CDH13: variants seen among roughly 807,000 people sequenced by gnomAD.
The protein encoded by CDH13 is cadherin-13.
CDH13 carries 24 observed loss-of-function variants against 63.8 expected under a neutral mutation model. The ratio of observed to expected loss-of-function variants is 0.38; its 90% confidence interval spans 0.27 to 0.53. The LOEUF (loss-of-function observed/expected upper bound fraction) is 0.53, where lower values mean the gene tolerates loss of function less well. CDH13 is among the 20% of genes least tolerant of loss of function. CDH13 has a pLI of 0.85. For missense variants in CDH13, 1,049 were observed against 903.1 expected, an observed-to-expected ratio of 1.16 and a Z score of -2.07; for synonymous variants, 503 against 355.3, an observed-to-expected ratio of 1.42 and a Z score of -4.67.
intron 3 of CDH13, among the ~76,000 whole-genome samples, chr16:83,065,140 C>G (rs1312046080): frequency 4.6e-5 from 7 of 152,182 alleles, no homozygotes; most frequent in Admixed American, 1.3e-4. Context: ...GTATTATCCA[C>G]TGGCCACCTT....
intron 1 of CDH13, among the ~76,000 whole-genome samples, chr16:82,751,363 T>C (rs926767828): frequency 1.3e-5 from 2 of 152,178 alleles, no homozygotes; most frequent in Non-Finnish European, 2.9e-5. Context: ...GAGCATGAGC[T>C]GGGGCTTGGA....
intron 11 of CDH13, among the ~76,000 whole-genome samples, chr16:83,776,612 T>A (rs1915130337): frequency 6.6e-6 from 1 of 152,198 alleles, no homozygotes; most frequent in Non-Finnish European, 1.5e-5. Context: ...TCTTCATGAC[T>A]CACTGCTCAG....
intron 5 of CDH13, among the ~76,000 whole-genome samples, chr16:83,282,201 C>G (rs1422145524): frequency 1.3e-5 from 2 of 152,102 alleles, no homozygotes. Flanking sequence ...TACCCCAAAA[C>G]AGATACAATA....
intron 7 of CDH13, among the ~76,000 whole-genome samples, chr16:83,504,535 A>G (rs1279882319): frequency 6.6e-6 from 1 of 152,176 alleles, no homozygotes; most frequent in African/African-American, 2.4e-5. Flanking sequence ...GTGAGGGTGG[A>G]AAGCAGGCCA....
intron 10 of CDH13, among the ~76,000 whole-genome samples, chr16:83,722,705 T>C (rs1726378927): frequency 6.6e-6 from 1 of 152,204 alleles, no homozygotes; most frequent in African/African-American, 2.4e-5. Context: ...AGGCTTTTGG[T>C]CTTTGTCCAG....
intron 1 of CDH13, among the ~76,000 whole-genome samples, chr16:82,674,099 T>C (rs1913612994): frequency 6.6e-6 from 1 of 152,188 alleles, no homozygotes; most frequent in Admixed American, 6.5e-5. Context: ...CATTTGAAGG[T>C]GCAGTCTTGA....
intron 1 of CDH13, among the ~76,000 whole-genome samples, chr16:82,733,871 G>A (rs944631312): frequency 7.9e-5 from 12 of 152,192 alleles, no homozygotes; most frequent in Non-Finnish European, 1.3e-4. Context: ...CAGCAAATAA[G>A]TACATAGCAC....
chr16:83,591,855 C>G (rs773789958), intron 7 of CDH13, among the ~76,000 whole-genome samples: 1 of 152,174 alleles, frequency 6.6e-6, no homozygotes, highest in Non-Finnish European at 1.5e-5. Flanking sequence ...CTGAACAGAA[C>G]CAGAATCAGC....
At chr16:83,200,279 C>A (rs1195374394) in intron 4 of CDH13, among the ~76,000 whole-genome samples, 1 of 152,172 alleles carries the variant, frequency 6.6e-6, no homozygotes, top group South Asian at 2.1e-4. Context: ...CCCCAGGAAG[C>A]CTGCCTCCTT....
intron 8 of CDH13, among the ~76,000 whole-genome samples, chr16:83,657,231 A>G (rs1020976400): frequency 6.6e-6 from 1 of 152,216 alleles, no homozygotes; most frequent in Non-Finnish European, 1.5e-5. Flanking sequence ...TCAATACAGG[A>G]TCATTTATCT....
chr16:83,510,679 G>T (rs369339806), intron 7 of CDH13, among the ~76,000 whole-genome samples: 2 of 152,302 alleles, frequency 1.3e-5, no homozygotes, highest in South Asian at 4.1e-4. Flanking sequence ...TTCATCTCCA[G>T]TGTACCACGA....
intron 6 of CDH13, among the ~76,000 whole-genome samples, chr16:83,416,026 G>C (rs770027247): frequency 6.6e-6 from 1 of 152,040 alleles, no homozygotes; most frequent in African/African-American, 2.4e-5. Context: ...AAAACTATTA[G>C]AATTAATAAA....
In CDH13 at chr16:83,644,665, G is replaced by C. The variant is rs1911622270; in HGVS notation, c.1102-26125G>C. 2.0e-5 allele frequency among the ~76,000 whole-genome samples: 3 copies of C among 152,204 alleles called. No individual in the cohort carries two copies. In the South Asian group the frequency reaches 6.2e-4, roughly 32 times the overall value. ...GCAAATGGGCTGCCATACAGAGGAT[G>C]AGGTTCATGGTCCAGAAACGCATCT... On this transcript the variant is annotated intron_variant, in intron 8 of 13. Transcript: ENST00000567109.
intron 10 of CDH13, among the ~76,000 whole-genome samples, chr16:83,679,247 G>T (rs117791053): frequency 6.6e-6 from 1 of 152,172 alleles, no homozygotes; most frequent in Admixed American, 6.5e-5. Context: ...AGATGCCCTC[G>T]TTGGTACATG....
At chr16:82,884,998 T>G (rs893226371) in intron 2 of CDH13, among the ~76,000 whole-genome samples, 5 of 152,212 alleles carry the variant, frequency 3.3e-5, no homozygotes, top group Non-Finnish European at 7.3e-5. Flanking sequence ...TACCCATATA[T>G]ACTTGGGTGA....
At chr16:82,641,780 T>C (rs1286256587) in intron 1 of CDH13, among the ~76,000 whole-genome samples, 3 of 152,146 alleles carry the variant, frequency 2.0e-5, no homozygotes, top group Admixed American at 1.3e-4. Flanking sequence ...GCACTGGGAA[T>C]ACAGAAATGA....
chr16:82,839,766 C>T (rs1421980177), intron 1 of CDH13, among the ~76,000 whole-genome samples: 3 of 152,242 alleles, frequency 2.0e-5, no homozygotes, highest in African/African-American at 7.2e-5. Context: ...CCCCAGCCTA[C>T]TGTAGAGGCT....
intron 7 of CDH13, among the ~76,000 whole-genome samples, chr16:83,554,887 T>C (rs1040741903): frequency 1.3e-5 from 2 of 151,814 alleles, no homozygotes; most frequent in East Asian, 3.9e-4. Context: ...CTGCAGCACA[T>C]GTATTCCCAT....
At chr16:83,537,529 A>T (rs1194405975) in intron 7 of CDH13, among the ~76,000 whole-genome samples, 1 of 152,122 alleles carries the variant, frequency 6.6e-6, no homozygotes, top group Admixed American at 6.5e-5. Context: ...GAAGAAAAGG[A>T]AAAGGAACCA....
Sources: gnomAD v4.1 joint callset for allele counts (sites outside exome capture counted in the v4.1 genomes callset) on GRCh38, gnomAD v4.1.1 for gene constraint, MANE v1.5 for transcripts, NCBI Gene and HGNC (gene_info 2026-07-23, HGNC 2026-07-21) for gene names.